The following THADA variants were observed in gnomAD, a reference collection of about 807,000 sequenced individuals.
THADA encodes THADA armadillo repeat containing, also known as tRNA (32-2'-O)-methyltransferase regulator THADA.
In THADA, 213 loss-of-function variants were observed where a neutral mutation model predicts 219.8. The ratio of observed to expected loss-of-function variants is 0.97; its 90% CI spans 0.87 to 1.09. THADA has a LOEUF of 1.09. THADA is among the 50% of genes least tolerant of loss of function. The pLI is 0.00. For synonymous variants in THADA, 1,018 were observed against 828.9 expected (o/e 1.23, Z -3.92); for missense variants, 2,956 against 2,311.3 (o/e 1.28, Z -5.72).
chr2:43,287,047 T>TGA lies in THADA; in HGVS notation c.5024_5025insTC (p.Ala1676GlnfsTer5), dbSNP rs751099108. ...GAACCCACTGCTTCAGCTCAGCAGC[T>TGA]ATCAATTCCCTGTTCTAAAAGCACA... is the stretch of plus-strand genomic sequence containing the variant. On this transcript the variant is annotated frameshift_variant, in exon 35 of 38. Transcript: ENST00000405975. LOFTEE classifies it high-confidence loss of function. 2 of 1,613,098 alleles carry TGA rather than the reference T, an allele frequency of 1.2e-6. No homozygotes were observed. Among genetic ancestry groups the TGA allele is most frequent in the Non-Finnish European group, 1.7e-6 (2 of 1,179,294 alleles).
intron 36 of THADA, among the ~76,000 whole-genome samples, chr2:43,236,345 G>A (rs1051418403): frequency 2.6e-5 from 4 of 152,326 alleles, no homozygotes; most frequent in Middle Eastern, 3.4e-3. Flanking sequence ...GGGACCAGCT[G>A]CAACCTGCCA....
At chr2:43,592,520 T>C (rs1701685035) in intron 1 of THADA, 104 bp from the exon 2 acceptor site, 1 of 623,106 alleles carries the variant, frequency 1.6e-6, no homozygotes, top group Non-Finnish European at 2.7e-6. Context: ...ATCCTATGCA[T>C]TATGTTTCAT....
At chr2:43,452,566 T>C (rs923937900) in intron 26 of THADA, among the ~76,000 whole-genome samples, 2 of 152,162 alleles carry the variant, frequency 1.3e-5, no homozygotes, top group African/African-American at 4.8e-5. Context: ...GAGGACACAC[T>C]GTGACCCAGA....
At chr2:43,359,071 C>T (rs538474706) in intron 29 of THADA, among the ~76,000 whole-genome samples, 2 of 152,298 alleles carry the variant, frequency 1.3e-5, no homozygotes, top group East Asian at 3.9e-4. Context: ...GGTCCAGGAA[C>T]ATCTGTTGCA....
At chr2:43,429,630 G>A (rs1678977492) in intron 27 of THADA, among the ~76,000 whole-genome samples, 1 of 151,838 alleles carries the variant, frequency 6.6e-6, no homozygotes, top group Admixed American at 6.6e-5. Context: ...AACTCAATAT[G>A]TAAACACAGA....
At chr2:43,343,659 C>T (rs1667304523) in intron 30 of THADA, 1 of 152,532 alleles carries the variant, frequency 6.6e-6, no homozygotes, top group Admixed American at 6.5e-5. Context: ...CTTATTCAAG[C>T]TACCTTACTA....
At chr2:43,543,487 A>G (rs1695594760) in intron 20 of THADA, among the ~76,000 whole-genome samples, 1 of 150,834 alleles carries the variant, frequency 6.6e-6, no homozygotes, top group African/African-American at 2.4e-5. Flanking sequence ...TTACAGTCCC[A>G]CCAACAGTGT....
At chr2:43,436,939 T>C (rs970653437) in intron 26 of THADA, among the ~76,000 whole-genome samples, 2 of 152,204 alleles carry the variant, frequency 1.3e-5, no homozygotes, top group African/African-American at 2.4e-5. Context: ...AAATTTCAAA[T>C]GTTTAAGGAA....
chr2:43,472,667 G>T (rs192081207), intron 26 of THADA, among the ~76,000 whole-genome samples: 1 of 152,210 alleles, frequency 6.6e-6, no homozygotes, highest in East Asian at 1.9e-4. Context: ...TTAACAACAG[G>T]GATATGTTCT....
intron 36 of THADA, among the ~76,000 whole-genome samples, chr2:43,240,494 C>T (rs1301734879): frequency 6.6e-6 from 1 of 152,180 alleles, no homozygotes; most frequent in African/African-American, 2.4e-5. Flanking sequence ...CCTGGGGCTG[C>T]CAGAAGCCTC....
intron 25 of THADA, chr2:43,492,027 A>G (rs1223274582): frequency 6.6e-6 from 1 of 152,164 alleles, no homozygotes; most frequent in Non-Finnish European, 1.5e-5. Flanking sequence ...TAAGATACAG[A>G]AGAGGCTGGG....
chr2:43,405,704 G>C (rs1374463828), intron 28 of THADA, among the ~76,000 whole-genome samples: 1 of 152,102 alleles, frequency 6.6e-6, no homozygotes, highest in Non-Finnish European at 1.5e-5. Context: ...AAAAATCCTT[G>C]GTTTGGGTAG....
chr2:43,253,966 C>T (rs1406435922), intron 36 of THADA, among the ~76,000 whole-genome samples: 1 of 152,052 alleles, frequency 6.6e-6, no homozygotes, highest in African/African-American at 2.4e-5. Context: ...TGTCCCCAGT[C>T]TCCCTCTGGA....
chr2:43,386,028 A>G (rs1173422168), intron 29 of THADA, among the ~76,000 whole-genome samples: 2 of 152,188 alleles, frequency 1.3e-5, no homozygotes, highest in South Asian at 2.1e-4. Flanking sequence ...CTAAATACCT[A>G]TTCCATATGA....
intron 36 of THADA, among the ~76,000 whole-genome samples, chr2:43,260,846 T>C (rs1231521296): frequency 6.6e-6 from 1 of 152,228 alleles, no homozygotes; most frequent in Non-Finnish European, 1.5e-5. Context: ...ATGTTTATTT[T>C]CTGTCAGAGT....
At chr2:43,232,322 G>A (rs1447371364) in intron 37 of THADA, among the ~76,000 whole-genome samples, 1 of 152,076 alleles carries the variant, frequency 6.6e-6, no homozygotes, top group African/African-American at 2.4e-5. Context: ...GGGACTACAG[G>A]CACCCACCAC....
intron 25 of THADA, among the ~76,000 whole-genome samples, chr2:43,495,500 A>C (rs1254082334): frequency 2.0e-5 from 3 of 152,178 alleles, no homozygotes; most frequent in African/African-American, 7.2e-5. Flanking sequence ...ATGAATCAGA[A>C]TGCTCATATC....
intron 36 of THADA, among the ~76,000 whole-genome samples, chr2:43,269,664 T>A (rs943998087): frequency 6.6e-6 from 1 of 152,166 alleles, no homozygotes; most frequent in African/African-American, 2.4e-5. Flanking sequence ...CTTGATCAAA[T>A]CTCTTTATTT....
At chr2:43,389,797 G>C (rs1261493315) in intron 29 of THADA, among the ~76,000 whole-genome samples, 1 of 152,206 alleles carries the variant, frequency 6.6e-6, no homozygotes, top group Non-Finnish European at 1.5e-5. Flanking sequence ...TTCCCCTGAA[G>C]CCTTCTCTCA....
Sources: allele counts gnomAD v4.1 joint callset (sites outside exome capture counted in the v4.1 genomes callset), GRCh38; gene constraint gnomAD v4.1.1; transcripts MANE v1.5; gene names NCBI Gene and HGNC (gene_info 2026-07-23, HGNC 2026-07-21).